NBEAL1: variants seen among roughly 807,000 people sequenced by gnomAD.
The protein encoded by NBEAL1 is neurobeachin-like protein 1.
Under a neutral mutation model 351.3 loss-of-function variants are expected in NBEAL1, and 273 were observed. That is an observed-to-expected ratio of 0.78 (90% CI 0.70 to 0.86). The LOEUF (loss-of-function observed/expected upper bound fraction) is 0.86. Ranked by LOEUF, NBEAL1 falls within the 40% of genes least tolerant of loss-of-function variation. The pLI is 0.00. For missense variants in NBEAL1, 2,961 were observed against 3,201.3 expected, an observed-to-expected ratio of 0.92 and a Z score of 1.81; for synonymous variants, 1,050 against 1,086.4, an observed-to-expected ratio of 0.97 and a Z score of 0.66.
Position 203,224,906 on chromosome 2 carries a change from A to AT in NBEAL1, c.*7554dup, listed in dbSNP as rs1276328937. On this transcript the variant is annotated 3_prime_UTR_variant, in exon 56 of 56. Transcript: ENST00000683969. ...AGTTACTGTTAGTTTGGTGCAATAC[A>AT]TTCTTTCCTTCCTCATCCTTTTAAA... 2.6e-5 allele frequency among the ~76,000 whole-genome samples: 4 copies of AT among 152,154 alleles called. No homozygotes were observed. The highest frequency in any genetic ancestry group is 5.9e-5 in the Non-Finnish European group (4 of 68,010).
intron 51 of NBEAL1, among the ~76,000 whole-genome samples, chr2:203,208,274 A>G (rs1217894651): frequency 6.6e-6 from 1 of 152,196 alleles, no homozygotes; most frequent in Non-Finnish European, 1.5e-5. Flanking sequence ...CAACAGAATG[A>G]GAGACCCTGT....
chr2:203,070,773 A>G (rs2061669596), intron 7 of NBEAL1, among the ~76,000 whole-genome samples: 1 of 152,204 alleles, frequency 6.6e-6, no homozygotes, highest in Non-Finnish European at 1.5e-5. Flanking sequence ...CTCTGTCATG[A>G]GAACAGCACC....
intron 18 of NBEAL1, among the ~76,000 whole-genome samples, chr2:203,120,603 G>T (rs2062808108): frequency 1.3e-5 from 2 of 152,178 alleles, no homozygotes; most frequent in Admixed American, 1.3e-4. Flanking sequence ...TGAGCAAGAG[G>T]AGATGAGACT....
At chr2:203,069,681 G>T (rs936785136) in intron 7 of NBEAL1, among the ~76,000 whole-genome samples, 2 of 152,104 alleles carry the variant, frequency 1.3e-5, no homozygotes, top group Non-Finnish European at 2.9e-5. Context: ...AGAGAGATGC[G>T]GTCTCATTCT....
chr2:203,194,494 A>G (rs1006735748), intron 47 of NBEAL1, among the ~76,000 whole-genome samples: 2 of 152,198 alleles, frequency 1.3e-5, no homozygotes, highest in South Asian at 2.1e-4. Flanking sequence ...AGTTACTAAG[A>G]TTAGTTTGAA....
chr2:203,179,947 T>C (rs2064651387), intron 42 of NBEAL1, among the ~76,000 whole-genome samples: 1 of 152,090 alleles, frequency 6.6e-6, no homozygotes, highest in Admixed American at 6.6e-5. Flanking sequence ...CTAATTTTTG[T>C]ATTTTTAGTA....
chr2:203,085,727 T>A (rs1444610987), intron 10 of NBEAL1: 3 of 152,196 alleles, frequency 2.0e-5, no homozygotes, highest in Non-Finnish European at 2.9e-5. Flanking sequence ...TTTATTACAA[T>A]TAAAGTAATA....
At chr2:203,154,943 A>AG (rs1333753519) in intron 35 of NBEAL1, among the ~76,000 whole-genome samples, 1 of 150,538 alleles carries the variant, frequency 6.6e-6, no homozygotes, top group Non-Finnish European at 1.5e-5. Flanking sequence ...TCAAAAAAAA[A>AG]AAAAAAAAAA....
intron 18 of NBEAL1, among the ~76,000 whole-genome samples, chr2:203,120,908 G>T (rs2062815319): frequency 6.6e-6 from 1 of 152,192 alleles, no homozygotes; most frequent in Non-Finnish European, 1.5e-5. Flanking sequence ...TTTGATTAAA[G>T]CAATTTTTCT....
In NBEAL1 at chr2:203,220,032, A is replaced by G. The variant is rs1229110122; in HGVS notation, c.*2678A>G. 2.0e-5 allele frequency among the ~76,000 whole-genome samples: 3 copies of G among 152,220 alleles called. No individual in the cohort carries two copies. Among genetic ancestry groups the G allele is most frequent in the Non-Finnish European group, 4.4e-5 (3 of 68,040 alleles). The stretch of plus-strand genomic sequence containing the variant: ...GAATTAAAAATCACTAGATAAAATA[A>G]TTGGAAAGAAGTACTTTTGAGAATT... On this transcript the variant is annotated 3_prime_UTR_variant, in exon 56 of 56. Transcript: ENST00000683969.
At chr2:203,189,035 C>G (rs527748358) in intron 45 of NBEAL1, among the ~76,000 whole-genome samples, 75 of 152,216 alleles carry the variant, frequency 4.9e-4, no homozygotes, top group Non-Finnish European at 4.3e-4. Flanking sequence ...ACTAATAGTT[C>G]TAAAGATTGT....
chr2:203,145,275 CT>C, intron 33 of NBEAL1, 115 bp downstream of exon 33: 1 of 906,342 alleles, frequency 1.1e-6, no homozygotes, highest in Non-Finnish European at 1.6e-6. Flanking sequence ...TTTTATTTGT[CT>C]AAAAATTATC....
intron 35 of NBEAL1, among the ~76,000 whole-genome samples, chr2:203,154,895 A>G (rs1457662675): frequency 1.4e-5 from 2 of 143,432 alleles, no homozygotes; most frequent in Non-Finnish European, 3.0e-5. Flanking sequence ...CGATCGTGTC[A>G]CTGCACTCCA....
rs759291104 is a variant in NBEAL1, at chr2:203,062,362, G to A, written c.515+4909G>A. The A allele has an allele frequency of 2.1e-6, 1 of 481,486 alleles. No individual in the cohort carries two copies. Among genetic ancestry groups the A allele is most frequent in the Non-Finnish European group, 4.2e-6 (1 of 240,946 alleles). 29.8% of individuals were successfully genotyped at this position (481,486 alleles called of 1,614,324 possible). A position where few individuals can be genotyped will look rare whatever the true frequency, so the allele number is the denominator to read the frequency against. On this transcript the variant is annotated intron_variant, in intron 6 of 55. Coordinates refer to ENST00000683969, the MANE Select transcript of NBEAL1 (RefSeq NM_001378026.1). This position sits in a 1 kb window ranked among gnomAD's most constrained non-coding sequence, Gnocchi z 4.2. ...AATCCAGCAACGCCCACTCCTGAGG[G>A]GTGAAGGTTACAGCCACATCCTCAA...
intron 7 of NBEAL1, among the ~76,000 whole-genome samples, chr2:203,073,107 T>C (rs2061709282): frequency 6.6e-6 from 1 of 152,204 alleles, no homozygotes; most frequent in South Asian, 2.1e-4. Context: ...TCTTGCTATA[T>C]TGCTCAGGCT....
chr2:203,047,437 C>A (rs1307293529), intron 3 of NBEAL1, among the ~76,000 whole-genome samples: 1 of 152,092 alleles, frequency 6.6e-6, no homozygotes, highest in East Asian at 1.9e-4. Flanking sequence ...ATGATAACTT[C>A]CATTTTTTAG....
At chr2:203,217,209 T>G (rs2105864491) in intron 55 of NBEAL1, 44 bp from the exon 56 acceptor site, 1 of 1,406,306 alleles carries the variant, frequency 7.1e-7, no homozygotes, top group East Asian at 2.6e-5. Context: ...TTTTTAATTT[T>G]TTCTTAATAT....
intron 8 of NBEAL1, 40 bp from the exon 9 acceptor site, chr2:203,083,179 T>G: frequency 6.8e-7 from 1 of 1,471,464 alleles, no homozygotes; most frequent in Non-Finnish European, 9.1e-7. Flanking sequence ...CACAACTTCA[T>G]TAGGTTTAGG....
intron 29 of NBEAL1, 57 bp downstream of exon 29, chr2:203,136,831 A>ATAAC: frequency 1.2e-5 from 17 of 1,433,640 alleles, no homozygotes; most frequent in Non-Finnish European, 1.5e-5. Context: ...GGAGTCTAAA[A>ATAAC]TAACGTTAGT....
Sources: gnomAD v4.1 joint callset for allele counts (sites outside exome capture counted in the v4.1 genomes callset) on GRCh38, gnomAD v4.1.1 for gene constraint, Gnocchi (gnomAD v3.1) non-coding constraint, MANE v1.5 for transcripts, NCBI Gene and HGNC (gene_info 2026-07-23, HGNC 2026-07-21) for gene names.